The following MPPED2 variants were observed in gnomAD, a reference collection of about 807,000 sequenced individuals.
The protein encoded by MPPED2 is metallophosphoesterase domain containing 2.
MPPED2 carries 5 observed loss-of-function variants against 33.0 expected under a neutral mutation model. That is an observed-to-expected ratio of 0.15 (90% CI 0.08 to 0.32). MPPED2 has a LOEUF of 0.32. Among genes scored for constraint, MPPED2 ranks in the 10% least tolerant of loss-of-function variants. The pLI is 1.00. For synonymous variants in MPPED2, 136 were observed against 141.9 expected (o/e 0.96, Z 0.29); for missense variants, 275 against 372.1 (o/e 0.74, Z 2.15).
intron 4 of MPPED2, among the ~76,000 whole-genome samples, chr11:30,458,709 A>T (rs1950384056): frequency 6.6e-6 from 1 of 152,128 alleles, no homozygotes; most frequent in Non-Finnish European, 1.5e-5. Flanking sequence ...TAAAGTGCCA[A>T]TTTCCTGCTC....
intron 2 of MPPED2, among the ~76,000 whole-genome samples, chr11:30,563,340 A>C (rs570891173): frequency 6.6e-6 from 1 of 152,280 alleles, no homozygotes; most frequent in East Asian, 1.9e-4. Flanking sequence ...GGAGTAAGCA[A>C]CGTAGATCCC....
rs187742530 is a variant in MPPED2, at chr11:30,455,542, C to T, written c.537-37909G>A. Among the ~76,000 whole-genome samples, 4 of 152,316 alleles carry T rather than the reference C, an allele frequency of 2.6e-5. No homozygotes were observed. The East Asian group carries it at 7.7e-4, about 29-fold the overall frequency. On this transcript the variant is annotated intron_variant, in intron 4 of 6. Transcript: ENST00000358117. Reference sequence around the variant, plus strand: ...GCATAAAAGGTGTTTTCCATTCATACATTAAAAAGAAAAAGCTAAGTATAT... The same window carrying T: ...GCATAAAAGGTGTTTTCCATTCATATATTAAAAAGAAAAAGCTAAGTATAT...
chr11:30,474,316 C>G (rs1023604650), intron 4 of MPPED2, among the ~76,000 whole-genome samples: 3 of 152,154 alleles, frequency 2.0e-5, no homozygotes, highest in Admixed American at 2.0e-4. Context: ...AAAATTTTTT[C>G]CACTAGTGAG....
In MPPED2 at chr11:30,417,554, C is replaced by A. The variant is rs1425783605; in HGVS notation, c.616G>T (p.Gly206Cys). 6.2e-7 allele frequency: 1 copy of A among 1,613,084 alleles called. No homozygotes were observed. Among genetic ancestry groups the A allele is most frequent in the East Asian group, 2.2e-5 (1 of 44,836 alleles). ...LLDKWNLIPE[G>C]IDILMTHGPP... ...CCATGTGTCATGAGTATGTCAATGC[C>A]CTCAGGGATGAGGTTCCACTTGTCC... Residue 206 changes from glycine (G) to cysteine (C), a missense_variant, in exon 5 of 7, where the codon GGC becomes TGC. Coordinates refer to ENST00000358117, the MANE Select transcript of MPPED2 (RefSeq NM_001584.3).
chr11:30,554,216 C>G (rs566211182), intron 2 of MPPED2, among the ~76,000 whole-genome samples: 2 of 152,274 alleles, frequency 1.3e-5, no homozygotes, highest in Admixed American at 6.5e-5. Context: ...CTAAACCCAC[C>G]CTGATTGTAG....
intron 4 of MPPED2, among the ~76,000 whole-genome samples, chr11:30,446,811 C>G (rs533495679): frequency 1.2e-4 from 18 of 152,268 alleles, no homozygotes; most frequent in East Asian, 3.9e-4. Context: ...GGAGCCCCCC[C>G]CGACGCCAAG....
intron 3 of MPPED2, among the ~76,000 whole-genome samples, chr11:30,522,383 AACATACAC>A (rs1425235214): frequency 3.5e-4 from 31 of 87,580 alleles, no homozygotes; most frequent in Non-Finnish European, 4.8e-4. Context: ...GCTTCAGGAA[AACATACAC>A]ACACACACAC....
At chr11:30,511,404 A>G (rs879430360) in intron 3 of MPPED2, among the ~76,000 whole-genome samples, 1 of 152,256 alleles carries the variant, frequency 6.6e-6, no homozygotes, top group Non-Finnish European at 1.5e-5. Flanking sequence ...TATAACTGCA[A>G]GGAAGAGAAT....
chr11:30,411,502 A>T lies in MPPED2; in HGVS notation c.851T>A (p.Ile284Asn), dbSNP rs1948099911. 6.2e-7 allele frequency: 1 copy of T among 1,613,846 alleles called. No individual in the cohort carries two copies. Among genetic ancestry groups the T allele is most frequent in the Admixed American group, 1.7e-5 (1 of 60,002 alleles). Residue 284 changes from isoleucine (I) to asparagine (N), a missense_variant, in exon 7 of 7, where the codon ATT (isoleucine) becomes AAT (asparagine). Physicochemically the swap from Ile to Asn is moderately radical, Grantham distance 149. Coordinates refer to ENST00000358117, the MANE Select transcript of MPPED2 (RefSeq NM_001584.3). ...TVSFQPTNPPIIFDLPNPQGS is the reference protein window; with the variant it reads ...TVSFQPTNPPNIFDLPNPQGS ...CTGTGGGTTTGGAAGGTCAAATATAATTGGAGGGTTGGTCGGTTGAAAGCT... is the reference window on the plus strand; with the variant it reads ...CTGTGGGTTTGGAAGGTCAAATATATTTGGAGGGTTGGTCGGTTGAAAGCT...
intron 4 of MPPED2, among the ~76,000 whole-genome samples, chr11:30,473,216 T>G (rs186547769): frequency 2.0e-5 from 3 of 152,240 alleles, no homozygotes; most frequent in African/African-American, 7.2e-5. Flanking sequence ...ATACAAGCCT[T>G]GGCATGTATC....
intron 2 of MPPED2, among the ~76,000 whole-genome samples, chr11:30,543,784 G>A (rs1470499134): frequency 7.1e-6 from 1 of 140,268 alleles, no homozygotes; most frequent in East Asian, 2.0e-4. Flanking sequence ...TCCAGAAATG[G>A]CGTTGTTCTT....
chr11:30,502,183 G>A (rs993665919), intron 3 of MPPED2, among the ~76,000 whole-genome samples: 1 of 152,134 alleles, frequency 6.6e-6, no homozygotes, highest in Non-Finnish European at 1.5e-5. Context: ...CCACAAGTGG[G>A]GCCAGAATCT....
intron 4 of MPPED2, among the ~76,000 whole-genome samples, chr11:30,431,897 G>A (rs768874523): frequency 3.3e-5 from 5 of 151,920 alleles, no homozygotes; most frequent in Non-Finnish European, 5.9e-5. Flanking sequence ...TTTTTCAGCC[G>A]GGCACGGTGG....
chr11:30,451,732 T>G, intron 4 of MPPED2: 1 of 981,262 alleles, frequency 1.0e-6, no homozygotes, highest in East Asian at 1.1e-4. Flanking sequence ...TACAACTGTT[T>G]TCTGCTGTAG....
intron 3 of MPPED2, among the ~76,000 whole-genome samples, chr11:30,528,232 T>G (rs1272987976): frequency 2.0e-5 from 3 of 152,146 alleles, no homozygotes; most frequent in Admixed American, 2.0e-4. Context: ...ATATTGGCAA[T>G]TTTAATTTTT....
chr11:30,417,108 G>A (rs1191788869), intron 5 of MPPED2, among the ~76,000 whole-genome samples: 3 of 152,134 alleles, frequency 2.0e-5, no homozygotes, highest in Non-Finnish European at 4.4e-5. Flanking sequence ...ATATGGAAAA[G>A]GAAAATGAGC....
intron 3 of MPPED2, among the ~76,000 whole-genome samples, chr11:30,496,613 A>C (rs1176777944): frequency 6.7e-6 from 1 of 148,234 alleles, no homozygotes; most frequent in African/African-American, 2.5e-5. Context: ...ACTAGCAGGA[A>C]ATTGGATACA....
intron 4 of MPPED2, among the ~76,000 whole-genome samples, chr11:30,425,077 G>T (rs1948773750): frequency 6.6e-6 from 1 of 152,138 alleles, no homozygotes; most frequent in African/African-American, 2.4e-5. Flanking sequence ...GGGATGAAAA[G>T]AGATATTGTT....
intron 3 of MPPED2, among the ~76,000 whole-genome samples, chr11:30,501,365 A>G (rs1353369955): frequency 6.6e-6 from 1 of 152,210 alleles, no homozygotes; most frequent in Non-Finnish European, 1.5e-5. Context: ...AACTAACAAA[A>G]GTATTATTAG....
Sources: gnomAD v4.1 joint callset for allele counts (sites outside exome capture counted in the v4.1 genomes callset) on GRCh38, gnomAD v4.1.1 for gene constraint, MANE v1.5 for transcripts, NCBI Gene and HGNC (gene_info 2026-07-23, HGNC 2026-07-21) for gene names.